RORA: variants seen among roughly 807,000 people sequenced by gnomAD.
RORA encodes the protein RAR related orphan receptor A, also known as nuclear receptor ROR-alpha.
Under a neutral mutation model 69.5 loss-of-function variants are expected in RORA, and 7 were observed. The observed-to-expected ratio is 0.10, with a 90% CI of 0.06 to 0.19. RORA has a LOEUF of 0.19. RORA is among the 10% of genes least tolerant of loss of function. RORA has a pLI of 1.00. For synonymous variants in RORA, 261 were observed against 240.8 expected (o/e 1.08, Z -0.78); for missense variants, 457 against 663.0 (o/e 0.69, Z 3.41).
chr15:61,111,310 T>C lies in RORA; in HGVS notation c.166+117743A>G, dbSNP rs73430872. On this transcript the variant is annotated intron_variant, in intron 1 of 10. Coordinates refer to ENST00000335670, the MANE Select transcript of RORA (RefSeq NM_134261.3). ...TCTGTTGAGACAGATGCAGTGATTA[T>C]TGGAAGGCATGCTTACTGGTGCACT... is the stretch of plus-strand genomic sequence containing the variant. Among the ~76,000 whole-genome samples the C allele has an allele frequency of 2.8e-3, 421 of 152,312 alleles. 2 individuals are homozygous for C. The highest frequency in any genetic ancestry group is 9.4e-3 in the African/African-American group (389 of 41,562).
chr15:61,004,378 GT>G (rs35632839), intron 1 of RORA, among the ~76,000 whole-genome samples: 75,177 of 144,978 alleles, frequency 0.52, 19,734 homozygotes, highest in Middle Eastern at 0.61. Flanking sequence ...GAGTCTGAAT[GT>G]TTTTTTTTTT....
chr15:60,744,887 C>A (rs938482447), intron 1 of RORA, among the ~76,000 whole-genome samples: 5 of 152,182 alleles, frequency 3.3e-5, no homozygotes, highest in Middle Eastern at 3.2e-3. Context: ...GGGAACTGGA[C>A]AATTTCCCCA....
At chr15:60,889,232 C>T (rs10459597) in intron 1 of RORA, among the ~76,000 whole-genome samples, 37,206 of 152,086 alleles carry the variant, frequency 0.24, 4,881 homozygotes, top group East Asian at 0.4. Context: ...TCCAGCACCA[C>T]GCCCAGCACA....
chr15:61,180,488 C>T (rs1370431), intron 1 of RORA, among the ~76,000 whole-genome samples: 88,225 of 151,974 alleles, frequency 0.58, 26,025 homozygotes, highest in East Asian at 0.66. Context: ...CTGTGTTCTG[C>T]GGCCACAGTG....
chr15:60,853,284 C>T (rs1234200596), intron 1 of RORA, among the ~76,000 whole-genome samples: 2 of 152,306 alleles, frequency 1.3e-5, no homozygotes, highest in African/African-American at 4.8e-5. Context: ...GGGCTGTCTG[C>T]ATTGCTGGGG....
At chr15:60,879,616 T>C (rs554835270) in intron 1 of RORA, among the ~76,000 whole-genome samples, 1 of 152,296 alleles carries the variant, frequency 6.6e-6, no homozygotes, top group Admixed American at 6.5e-5. Context: ...TTAGTTTCTA[T>C]GATTAATTAT....
chr15:60,947,627 C>A (rs1892934007), intron 1 of RORA, among the ~76,000 whole-genome samples: 2 of 146,658 alleles, frequency 1.4e-5, no homozygotes, highest in Non-Finnish European at 3.0e-5. Flanking sequence ...GACCTTCCCT[C>A]CACTATTGTC....
chr15:60,528,480 T>G (rs2066430464), intron 3 of RORA: 1 of 152,218 alleles, frequency 6.6e-6, no homozygotes, highest in South Asian at 2.1e-4. Flanking sequence ...ATAAACTGCT[T>G]GAGGGAAAGA....
At chr15:60,693,847 T>C (rs2070864985) in intron 1 of RORA, among the ~76,000 whole-genome samples, 1 of 152,108 alleles carries the variant, frequency 6.6e-6, no homozygotes, top group Admixed American at 6.5e-5. Flanking sequence ...AGAATCAATA[T>C]CATGAAAATG....
rs1042170289 is a variant in RORA, at chr15:61,213,950, T to A, written c.166+15103A>T. On this transcript the variant is annotated intron_variant, in intron 1 of 10. Coordinates refer to ENST00000335670, the MANE Select transcript of RORA (RefSeq NM_134261.3). The surrounding 1 kb of genome is among the most constrained non-coding windows in gnomAD (Gnocchi z 4.1). Reference sequence around the variant, plus strand: ...TCATCCCAGTCCTCCCTCAGCTGGCTCATCTTTCACATATTGATTCTAAAC... The same window carrying A: ...TCATCCCAGTCCTCCCTCAGCTGGCACATCTTTCACATATTGATTCTAAAC... The A allele has an allele frequency of 2.0e-5, 3 of 152,252 alleles. No homozygotes were observed. Among genetic ancestry groups the A allele is most frequent in the African/African-American group, 7.2e-5 (3 of 41,460 alleles). The allele number at this position is 152,252 out of a possible 1,614,324, so 9.4% of individuals were successfully genotyped here. A position where few individuals can be genotyped will look rare whatever the true frequency, so the allele number is the denominator to read the frequency against.
chr15:60,952,599 GA>G (rs1182660185), intron 1 of RORA, among the ~76,000 whole-genome samples: 5 of 152,074 alleles, frequency 3.3e-5, no homozygotes, highest in Non-Finnish European at 5.9e-5. Context: ...AAAGTCTCAG[GA>G]TACAAAATCA....
intron 1 of RORA, among the ~76,000 whole-genome samples, chr15:61,222,845 G>A (rs893739209): frequency 7.2e-5 from 11 of 152,114 alleles, no homozygotes; most frequent in African/African-American, 2.4e-4. Context: ...TAACCCTAGA[G>A]TTTCCTAACT....
chr15:60,643,000 C>T (rs1288506881), intron 2 of RORA, among the ~76,000 whole-genome samples: 5 of 152,024 alleles, frequency 3.3e-5, no homozygotes, highest in South Asian at 4.2e-4. Flanking sequence ...CTTTTAAAAA[C>T]GCAAAAATTA....
At chr15:61,091,690 C>T (rs1412594747) in intron 1 of RORA, among the ~76,000 whole-genome samples, 3 of 152,220 alleles carry the variant, frequency 2.0e-5, no homozygotes, top group Admixed American at 1.3e-4. Context: ...CTTCACATAA[C>T]AAGAATTAAT....
intron 1 of RORA, among the ~76,000 whole-genome samples, chr15:61,192,029 T>C (rs1288458557): frequency 6.6e-6 from 1 of 152,208 alleles, no homozygotes; most frequent in Admixed American, 6.5e-5. Flanking sequence ...GAGCTACGTG[T>C]AGATTTTAGG....
chr15:60,970,762 G>A lies in RORA; in HGVS notation c.166+258291C>T, dbSNP rs933902490. On this transcript the variant is annotated intron_variant, in intron 1 of 10. Coordinates refer to ENST00000335670, the MANE Select transcript of RORA (RefSeq NM_134261.3). Reference sequence around the variant, plus strand: ...TATCTGAGGCCCTCCAAACTAATACGGTTGTGTATTTTTTCCTTGACGATC... The same window carrying A: ...TATCTGAGGCCCTCCAAACTAATACAGTTGTGTATTTTTTCCTTGACGATC... Among the ~76,000 whole-genome samples the A allele has an allele frequency of 5.3e-5, 8 of 152,198 alleles. No homozygotes were observed. In the South Asian group the frequency reaches 1.2e-3, roughly 24 times the overall value.
At chr15:60,825,192 GAAGA>G (rs1472160238) in intron 1 of RORA, among the ~76,000 whole-genome samples, 1 of 152,242 alleles carries the variant, frequency 6.6e-6, no homozygotes, top group Non-Finnish European at 1.5e-5. Flanking sequence ...AGCAGAACCA[GAAGA>G]AAGTGTAGTG....
At chr15:60,992,803 T>C (rs890205292) in intron 1 of RORA, among the ~76,000 whole-genome samples, 1 of 152,230 alleles carries the variant, frequency 6.6e-6, no homozygotes, top group African/African-American at 2.4e-5. Context: ...GCTTTAAATA[T>C]AAAGTCTACT....
intron 1 of RORA, among the ~76,000 whole-genome samples, chr15:61,207,135 C>T (rs1284709247): frequency 6.6e-6 from 1 of 152,050 alleles, no homozygotes; most frequent in East Asian, 1.9e-4. Context: ...TATACACACA[C>T]ACACATGCAT....
Sources: gnomAD v4.1 joint callset for allele counts (sites outside exome capture counted in the v4.1 genomes callset) on GRCh38, gnomAD v4.1.1 for gene constraint, Gnocchi (gnomAD v3.1) non-coding constraint, MANE v1.5 for transcripts, NCBI Gene and HGNC (gene_info 2026-07-23, HGNC 2026-07-21) for gene names.